The following PDS5A variants were observed in gnomAD, a reference collection of about 807,000 sequenced individuals.
PDS5A encodes the protein sister chromatid cohesion protein PDS5 homolog A.
In PDS5A, 42 loss-of-function variants were observed where a neutral mutation model predicts 167.1. The ratio of observed to expected loss-of-function variants is 0.25; its 90% CI spans 0.20 to 0.33. The LOEUF (loss-of-function observed/expected upper bound fraction) is 0.33. Among genes scored for constraint, PDS5A ranks in the 10% least tolerant of loss-of-function variants. The pLI is 1.00. For synonymous variants in PDS5A, 553 were observed against 554.6 expected (o/e 1.00, Z 0.04); for missense variants, 1,033 against 1,605.9 (o/e 0.64, Z 6.10).
intron 25 of PDS5A, 52 bp from the exon 26 acceptor site, chr4:39,862,385 T>C: frequency 1.2e-6 from 1 of 816,432 alleles, no homozygotes; most frequent in South Asian, 1.7e-5. Context: ...CTTAGTGGAC[T>C]GAGTTCTAAC....
chr4:39,975,174 G>A (rs1161818600), intron 2 of PDS5A, among the ~76,000 whole-genome samples: 1 of 151,896 alleles, frequency 6.6e-6, no homozygotes, highest in African/African-American at 2.4e-5. Context: ...AGCTACTTGG[G>A]AGGCTGAGGC....
chr4:39,900,387 C>T (rs1169314125), intron 14 of PDS5A, 39 bp downstream of exon 14: 1 of 1,259,826 alleles, frequency 7.9e-7, no homozygotes, highest in African/African-American at 1.5e-5. Flanking sequence ...TGAACAGTGA[C>T]TATAATAAAC....
chr4:39,883,980 G>A lies in PDS5A; in HGVS notation c.1887-4147C>T, dbSNP rs980470223. ...GTCTCGCTCTGTCACCCAGGCTGGA[G>A]TGCAATAATGTGATCTTGGGTCACT... On this transcript the variant is annotated intron_variant, in intron 17 of 32. Coordinates refer to ENST00000303538, the MANE Select transcript of PDS5A (RefSeq NM_001100399.2). 7.3e-5 allele frequency among the ~76,000 whole-genome samples: 11 copies of A among 149,906 alleles called. No homozygotes were observed. In the East Asian group the frequency reaches 1.8e-3, roughly 24 times the overall value.
chr4:39,977,127 G>A lies in PDS5A; in HGVS notation c.-41+330C>T, dbSNP rs1731187412. On this transcript the variant is annotated intron_variant, in intron 1 of 32. Coordinates refer to ENST00000303538, the MANE Select transcript of PDS5A (RefSeq NM_001100399.2). This position sits in a 1 kb window ranked among gnomAD's most constrained non-coding sequence, Gnocchi z 4.2. ...TTGCCCAGCCGAGCCTCGGACCCGG[G>A]GTAGTCCCCGCCGCGCTGCCACCCC... 6.6e-6 allele frequency among the ~76,000 whole-genome samples: 1 copy of A among 152,176 alleles called. No homozygotes were observed. The highest frequency in any genetic ancestry group is 1.5e-5 in the Non-Finnish European group (1 of 67,996).
chr4:39,848,503 G>C (rs1014583835), intron 28 of PDS5A: 1 of 231,458 alleles, frequency 4.3e-6, no homozygotes, highest in African/African-American at 2.4e-5. Context: ...TGGAGGCTTA[G>C]AGGAGAGAAC....
chr4:39,923,646 C>CACACAA (rs771012710), intron 5 of PDS5A, among the ~76,000 whole-genome samples: 2 of 151,144 alleles, frequency 1.3e-5, no homozygotes, highest in South Asian at 2.1e-4. Flanking sequence ...AAAACACACA[C>CACACAA]ACACACACAC....
At chr4:39,837,834 G>A (rs758141091) in intron 32 of PDS5A, 22 bp downstream of exon 32, 3 of 1,540,216 alleles carry the variant, frequency 1.9e-6, no homozygotes, top group Admixed American at 3.8e-5. Context: ...ATTCCCACTT[G>A]AGGAAGAATG....
chr4:39,915,343 A>ATTTTTTTT (rs3070904), intron 8 of PDS5A, among the ~76,000 whole-genome samples: 4 of 88,730 alleles, frequency 4.5e-5, no homozygotes, highest in African/African-American at 4.8e-5. Context: ...AACCGGCCTG[A>ATTTTTTTT]TTTTTTTTTT....
At chr4:39,841,525 T>C (rs1193164867) in intron 31 of PDS5A, among the ~76,000 whole-genome samples, 1 of 151,606 alleles carries the variant, frequency 6.6e-6, no homozygotes, top group Non-Finnish European at 1.5e-5. Flanking sequence ...TTTTTTTTTT[T>C]TTTTGGAGGC....
chr4:39,887,443 G>C (rs2059035557), intron 17 of PDS5A, among the ~76,000 whole-genome samples: 1 of 152,068 alleles, frequency 6.6e-6, no homozygotes, highest in African/African-American at 2.4e-5. Context: ...AACCATCTCT[G>C]CATCCCTGGG....
At chr4:39,828,255 C>T (rs917006262) in intron 32 of PDS5A, among the ~76,000 whole-genome samples, 12 of 152,180 alleles carry the variant, frequency 7.9e-5, no homozygotes, top group African/African-American at 2.7e-4. Flanking sequence ...CACAAAAATC[C>T]GATCTAAAAA....
chr4:39,892,555 G>T (rs1428801067), intron 16 of PDS5A, among the ~76,000 whole-genome samples: 1 of 152,156 alleles, frequency 6.6e-6, no homozygotes, highest in Non-Finnish European at 1.5e-5. Flanking sequence ...CCTGGAATGA[G>T]TAATGCTTCT....
intron 32 of PDS5A, among the ~76,000 whole-genome samples, chr4:39,831,596 G>C (rs1715876439): frequency 6.6e-6 from 1 of 151,568 alleles, no homozygotes. Context: ...GAATATAAAG[G>C]GATGGGTGCG....
intron 31 of PDS5A, among the ~76,000 whole-genome samples, chr4:39,840,611 G>A (rs1364782191): frequency 6.6e-6 from 1 of 152,166 alleles, no homozygotes; most frequent in Non-Finnish European, 1.5e-5. Context: ...GGCCAGGCTG[G>A]TCTGGAACTC....
chr4:39,827,412 G>A (rs1715425103), intron 32 of PDS5A, among the ~76,000 whole-genome samples: 1 of 152,142 alleles, frequency 6.6e-6, no homozygotes, highest in Non-Finnish European at 1.5e-5. Context: ...CAGGTCACTG[G>A]AAGAGCTCCT....
chr4:39,918,294 A>C (rs1350202392), intron 7 of PDS5A, among the ~76,000 whole-genome samples: 1 of 152,016 alleles, frequency 6.6e-6, no homozygotes, highest in Non-Finnish European at 1.5e-5. Flanking sequence ...ATACTCAGAG[A>C]AAGTCAAATA....
intron 2 of PDS5A, among the ~76,000 whole-genome samples, chr4:39,960,651 C>A (rs1475711928): frequency 6.6e-6 from 1 of 151,934 alleles, no homozygotes; most frequent in Non-Finnish European, 1.5e-5. Flanking sequence ...ACCTCAGCCT[C>A]CCAAGTAGCT....
At chr4:39,880,671 T>C (rs1465480180) in intron 17 of PDS5A, among the ~76,000 whole-genome samples, 2 of 152,132 alleles carry the variant, frequency 1.3e-5, no homozygotes, top group Admixed American at 6.5e-5. Flanking sequence ...TTTTCACTTA[T>C]AAAAAATTAA....
chr4:39,946,775 G>C (rs1224680606), intron 2 of PDS5A, among the ~76,000 whole-genome samples: 1 of 151,698 alleles, frequency 6.6e-6, no homozygotes, highest in Non-Finnish European at 1.5e-5. Flanking sequence ...AATCAGTCAG[G>C]CGTGGCGGGC....
Sources: gnomAD v4.1 joint callset for allele counts (sites outside exome capture counted in the v4.1 genomes callset) on GRCh38, gnomAD v4.1.1 for gene constraint, Gnocchi (gnomAD v3.1) non-coding constraint, MANE v1.5 for transcripts, NCBI Gene and HGNC (gene_info 2026-07-23, HGNC 2026-07-21) for gene names.